ZFYVE9: variants seen among roughly 807,000 people sequenced by gnomAD.
The protein encoded by ZFYVE9 is zinc finger FYVE-type containing 9.
A neutral mutation model predicts 126.7 loss-of-function variants in ZFYVE9; 43 were observed. The observed-to-expected ratio is 0.34, with a 90% CI of 0.27 to 0.44. The LOEUF is 0.44. Among genes scored for constraint, ZFYVE9 ranks in the 20% least tolerant of loss-of-function variants. ZFYVE9 has a pLI of 1.00. For synonymous variants in ZFYVE9, 521 were observed against 597.4 expected (o/e 0.87, Z 1.87); for missense variants, 1,476 against 1,697.0 (o/e 0.87, Z 2.29).
intron 1 of ZFYVE9, among the ~76,000 whole-genome samples, chr1:52,178,278 C>CAA (rs78982846): frequency 0.011 from 218 of 19,256 alleles, 5 homozygotes; most frequent in African/African-American, 0.015. Context: ...GACTCCATCT[C>CAA]AAAAAAAAAA....
intron 10 of ZFYVE9, among the ~76,000 whole-genome samples, chr1:52,292,229 G>A (rs527736208): frequency 6.9e-6 from 1 of 144,190 alleles, no homozygotes; most frequent in South Asian, 2.2e-4. Flanking sequence ...GCTGCATTGA[G>A]CCAAGATCAC....
At chr1:52,147,998 G>T (rs538387837) in intron 1 of ZFYVE9, among the ~76,000 whole-genome samples, 2 of 151,964 alleles carry the variant, frequency 1.3e-5, no homozygotes, top group East Asian at 3.9e-4. Flanking sequence ...GGCTAGGCTG[G>T]TCTGGAGCTA....
chr1:52,270,249 T>C (rs1188598292), intron 7 of ZFYVE9, among the ~76,000 whole-genome samples: 1 of 152,118 alleles, frequency 6.6e-6, no homozygotes, highest in Admixed American at 6.6e-5. Context: ...TAATGTTCTT[T>C]ATAGCTTTAA....
At chr1:52,320,422 AATAT>A (rs1266858081) in intron 13 of ZFYVE9, among the ~76,000 whole-genome samples, 1 of 152,190 alleles carries the variant, frequency 6.6e-6, no homozygotes, top group Non-Finnish European at 1.5e-5. Context: ...TTTGGGTGTA[AATAT>A]ATATGAATAG....
chr1:52,157,150 T>C (rs1449490198), intron 1 of ZFYVE9, among the ~76,000 whole-genome samples: 2 of 152,020 alleles, frequency 1.3e-5, no homozygotes, highest in African/African-American at 4.8e-5. Context: ...CACTTTATAG[T>C]TGCCTGAGTA....
chr1:52,262,841 G>C (rs1260967679), intron 4 of ZFYVE9, among the ~76,000 whole-genome samples: 3 of 152,094 alleles, frequency 2.0e-5, no homozygotes, highest in Non-Finnish European at 4.4e-5. Flanking sequence ...GGAGGCCGAG[G>C]TGGGTGGATC....
At chr1:52,155,770 G>T (rs2124502916) in intron 1 of ZFYVE9, among the ~76,000 whole-genome samples, 1 of 152,266 alleles carries the variant, frequency 6.6e-6, no homozygotes, top group East Asian at 1.9e-4. Context: ...CCTGGATATA[G>T]AATGTGTTAC....
At chr1:52,290,220 G>A (rs1442567375) in intron 10 of ZFYVE9, among the ~76,000 whole-genome samples, 2 of 152,200 alleles carry the variant, frequency 1.3e-5, no homozygotes, top group Admixed American at 1.3e-4. Flanking sequence ...AAGGGCAAAT[G>A]GGGTGGGGAA....
intron 13 of ZFYVE9, among the ~76,000 whole-genome samples, chr1:52,316,182 A>G (rs529618547): frequency 1.1e-3 from 164 of 148,282 alleles, no homozygotes; most frequent in African/African-American, 3.8e-3. Context: ...AAAAAAAAAA[A>G]AAAAAAAAGA....
intron 4 of ZFYVE9, among the ~76,000 whole-genome samples, chr1:52,242,402 G>A (rs564554526): frequency 6.6e-6 from 1 of 152,284 alleles, no homozygotes; most frequent in Non-Finnish European, 1.5e-5. Flanking sequence ...TTGTAATTCA[G>A]TTCCAAGCTT....
At chr1:52,157,194 G>C (rs1644410776) in intron 1 of ZFYVE9, among the ~76,000 whole-genome samples, 1 of 151,932 alleles carries the variant, frequency 6.6e-6, no homozygotes, top group Admixed American at 6.6e-5. Context: ...ATGGACTTGG[G>C]AATAATTTTA....
chr1:52,323,075 A>T (rs912718226), intron 13 of ZFYVE9, among the ~76,000 whole-genome samples: 5 of 152,196 alleles, frequency 3.3e-5, no homozygotes, highest in Non-Finnish European at 7.3e-5. Context: ...AAGTGCTGGG[A>T]CTACAGGTGT....
intron 4 of ZFYVE9, among the ~76,000 whole-genome samples, chr1:52,243,097 A>G (rs565920108): frequency 1.3e-5 from 2 of 152,332 alleles, no homozygotes; most frequent in South Asian, 4.1e-4. Context: ...GTACTCAATA[A>G]ATGTTTGTTA....
At chr1:52,292,346 C>T (rs570747410) in intron 10 of ZFYVE9, among the ~76,000 whole-genome samples, 1 of 151,304 alleles carries the variant, frequency 6.6e-6, no homozygotes, top group East Asian at 1.9e-4. Flanking sequence ...TTCATAAATC[C>T]TCATCTTCCC....
chr1:52,184,220 T>G (rs1572083146), intron 1 of ZFYVE9, among the ~76,000 whole-genome samples: 1 of 143,216 alleles, frequency 7.0e-6, no homozygotes, highest in Non-Finnish European at 1.5e-5. Flanking sequence ...TTTATATATA[T>G]AGATATATAT....
At chr1:52,343,989 T>C (rs1255677769) in intron 17 of ZFYVE9, among the ~76,000 whole-genome samples, 1 of 151,822 alleles carries the variant, frequency 6.6e-6, no homozygotes, top group Non-Finnish European at 1.5e-5. Context: ...GGAGAATCAC[T>C]TGAACCTAAG....
intron 1 of ZFYVE9, among the ~76,000 whole-genome samples, chr1:52,186,266 A>C (rs183624177): frequency 0.019 from 2,843 of 151,792 alleles, 87 homozygotes; most frequent in African/African-American, 0.064. Flanking sequence ...AACAAAACCC[A>C]AAAAACAACA....
chr1:52,303,988 AT>A, intron 13 of ZFYVE9, 63 bp downstream of exon 13: 1 of 1,057,002 alleles, frequency 9.5e-7, no homozygotes, highest in South Asian at 1.9e-5. Flanking sequence ...TGAAAAATGC[AT>A]GATTATATAT....
intron 4 of ZFYVE9, chr1:52,254,222 T>G (rs1325870473): frequency 3.0e-5 from 13 of 436,324 alleles, no homozygotes; most frequent in East Asian, 1.7e-4. Flanking sequence ...TATCTTTGTT[T>G]TATCCTGTCT....
Sources: gnomAD v4.1 joint callset for allele counts (sites outside exome capture counted in the v4.1 genomes callset) on GRCh38, gnomAD v4.1.1 for gene constraint, MANE v1.5 for transcripts, NCBI Gene and HGNC (gene_info 2026-07-23, HGNC 2026-07-21) for gene names.